CLPS: variants seen among roughly 807,000 people sequenced by gnomAD.
CLPS encodes the protein colipase, pancreatic.
A neutral mutation model predicts 9.3 loss-of-function variants in CLPS; 8 were observed. The ratio of observed to expected loss-of-function variants is 0.86; its 90% CI spans 0.51 to 1.56. The LOEUF (loss-of-function observed/expected upper bound fraction) is 1.56. Among genes scored for constraint, CLPS ranks in the 40% most tolerant of loss-of-function variants. CLPS has a pLI of 0.00. For synonymous variants in CLPS, 61 were observed against 56.2 expected (o/e 1.09, Z -0.39); for missense variants, 144 against 145.7 (o/e 0.99, Z 0.06).
At chr6:35,795,884 C>T (rs1246666418) in intron 1 of CLPS, 31 bp from the exon 2 acceptor site, 3 of 1,610,104 alleles carry the variant, frequency 1.9e-6, no homozygotes, top group Admixed American at 3.3e-5. Context: ...GCCCAGGCCC[C>T]ACTCCCTCAG....
In CLPS at chr6:35,795,814, T is replaced by A. The variant is rs1311590635; in HGVS notation, c.124A>T (p.Ser42Cys). 6 of 1,613,162 alleles carry A rather than the reference T, an allele frequency of 3.7e-6. No homozygotes were observed. The highest frequency in any genetic ancestry group is 5.1e-6 in the Non-Finnish European group (6 of 1,180,030). Residue 42 changes from serine to cysteine, a missense_variant, in exon 2 of 3, where the codon AGC (serine) becomes TGC (cysteine). Physicochemically the swap from Ser to Cys is moderately radical, Grantham distance 112 (BLOSUM62 -1). Transcript: ENST00000259938. ...ELCMNSAQCKSNCCQHSSALG... is the reference protein window; with the variant it reads ...ELCMNSAQCKCNCCQHSSALG... ...GCACTTGAATGCTGGCAGCAATTGCTCTTACACTGGGCACTATTCATGCAG... is the reference window on the plus strand; with the variant it reads ...GCACTTGAATGCTGGCAGCAATTGCACTTACACTGGGCACTATTCATGCAG...
Position 35,795,029 on chromosome 6 carries a change from A to G in CLPS, c.*117T>C, listed in dbSNP as rs1467681587. ...ATTGTGAAGAGCGCAATCAGAAAAC[A>G]GATATGCTGGTCAAGGAGGTGGCCA... On this transcript the variant is annotated 3_prime_UTR_variant, in exon 3 of 3. Transcript: ENST00000259938. 233 of 1,398,288 alleles carry G rather than the reference A, an allele frequency of 1.7e-4. No homozygotes were observed. Among genetic ancestry groups the G allele is most frequent in the Non-Finnish European group, 2.7e-5 (28 of 1,030,114 alleles). 86.6% of individuals were successfully genotyped at this position (1,398,288 alleles called of 1,614,324 possible).
Position 35,795,759 on chromosome 6 carries a change from G to T in CLPS, c.179C>A (p.Ala60Asp). 1 of 1,612,884 alleles carries T rather than the reference G, an allele frequency of 6.2e-7. No individual in the cohort carries two copies. Among genetic ancestry groups the T allele is most frequent in the Non-Finnish European group, 8.5e-7 (1 of 1,180,006 alleles). ...GACAGAGCACTCGCTGTTCTCGCTG[G>T]CCATGGATGTGCAGCGGGCCAGGCC... ...ALGLARCTSM[A>D]SENSECSVKT... The change falls in exon 2 of 3, where the codon GCC (alanine) becomes GAC (aspartate). Residue 60 changes from alanine (A) to aspartate (D), a missense_variant. Transcript: ENST00000259938.
rs1422981055 is a variant in CLPS at position 35,797,261 on chromosome 6, C to T, written c.28G>A (p.Val10Ile). 1.2e-6 allele frequency: 2 copies of T among 1,614,074 alleles called. No individual in the cohort carries two copies. Among genetic ancestry groups the T allele is most frequent in the African/African-American group, 1.3e-5 (1 of 75,068 alleles). Reference protein sequence around the residue: MEKILILLLVALSVAYAAPG... With the variant: MEKILILLLIALSVAYAAPG... ...GCTGCATAGGCCACAGAGAGGGCGA[C>T]AAGCAGGAGGATCAGGATCTTCTCC... is the stretch of plus-strand genomic sequence containing the variant. Residue 10 changes from valine to isoleucine, a missense_variant, in exon 1 of 3, where the codon GTC becomes ATC. Physicochemically the swap from Val to Ile is conservative, Grantham distance 29. Transcript: ENST00000259938.
chr6:35,797,204 C>T lies in CLPS; in HGVS notation c.84+1G>A, dbSNP rs766826077. ...GGCGCCTCCCCTGAAGACCCTCTTA[C>T]CAGGTTGATAATGATCCCCCGGGGG... is the stretch of plus-strand genomic sequence containing the variant. On this transcript the variant is annotated splice_donor_variant, in intron 1 of 2. Transcript: ENST00000259938. LOFTEE classifies it high-confidence loss of function. 1.9e-6 allele frequency: 3 copies of T among 1,613,638 alleles called. No homozygotes were observed. In the South Asian group the frequency reaches 3.3e-5, roughly 18 times the overall value.
intron 2 of CLPS, 66 bp from the exon 3 acceptor site, chr6:35,795,343 C>A: frequency 6.3e-7 from 1 of 1,575,584 alleles, no homozygotes; most frequent in Non-Finnish European, 8.6e-7. Context: ...TTGTCCCCTG[C>A]CTGACCTAGA....
chr6:35,797,234 G>A lies in CLPS; in HGVS notation c.55C>T (p.Pro19Ser), dbSNP rs1267702100. The A allele has an allele frequency of 2.5e-6, 4 of 1,614,128 alleles. 1 individual carries two copies. The highest frequency in any genetic ancestry group is 2.2e-5 in the East Asian group (1 of 44,882). Residue 19 changes from proline (P) to serine (S), a missense_variant, in exon 1 of 3, where the codon CCT becomes TCT. Transcript: ENST00000259938. ...LVALSVAYAA[P>S]GPRGIIINLE... ...TTGATAATGATCCCCCGGGGGCCAG[G>A]AGCTGCATAGGCCACAGAGAGGGCG...
chr6:35,795,169 C>A lies in CLPS; in HGVS notation c.316G>T (p.Asp106Tyr). 6.2e-7 allele frequency: 1 copy of A among 1,614,128 alleles called. No individual in the cohort carries two copies. The highest frequency in any genetic ancestry group is 8.5e-7 in the Non-Finnish European group (1 of 1,180,010). The change falls in exon 3 of 3, where the codon GAC becomes TAC. Residue 106 changes from aspartate (D) to tyrosine (Y), a missense_variant. By Grantham distance (160) the Asp-to-Tyr change is radical (BLOSUM62 -3). Coordinates refer to ENST00000259938, the MANE Select transcript of CLPS (RefSeq NM_001832.4). ...ITNTNFGICH[D>Y]AGRSKQ ...TCTCACTGCTTGGAGCGTCCAGCGTCATGGCAGATGCCAAAGTTGGTGTTG... is the reference window on the plus strand; with the variant it reads ...TCTCACTGCTTGGAGCGTCCAGCGTAATGGCAGATGCCAAAGTTGGTGTTG...
chr6:35,795,777 GCC>G lies in CLPS; in HGVS notation c.159_160del (p.Ala54ProfsTer27). 6.2e-7 allele frequency: 1 copy of G among 1,613,078 alleles called. No homozygotes were observed. The highest frequency in any genetic ancestry group is 8.5e-7 in the Non-Finnish European group (1 of 1,180,026). ...CTCGCTGGCCATGGATGTGCAGCGG[GCC>G]AGGCCCAGCGCACTTGAATGCTGGC... is the stretch of plus-strand genomic sequence containing the variant. On this transcript the variant is annotated frameshift_variant, in exon 2 of 3. Coordinates refer to ENST00000259938, the MANE Select transcript of CLPS (RefSeq NM_001832.4). LOFTEE classifies it high-confidence loss of function.
intron 1 of CLPS, among the ~76,000 whole-genome samples, chr6:35,796,412 G>T (rs1185417400): frequency 5.3e-5 from 8 of 152,260 alleles, no homozygotes; most frequent in Non-Finnish European, 1.2e-4. Context: ...GTGGTGTGGG[G>T]CAGTGGTGGG....
chr6:35,795,601 C>A, intron 2 of CLPS, 130 bp downstream of exon 2: 1 of 1,443,820 alleles, frequency 6.9e-7, no homozygotes, highest in Non-Finnish European at 9.4e-7. Context: ...TGCTTTGACA[C>A]CTGTCGACCT....
chr6:35,796,224 G>A (rs1215177004), intron 1 of CLPS, among the ~76,000 whole-genome samples: 2 of 152,282 alleles, frequency 1.3e-5, no homozygotes, highest in African/African-American at 4.8e-5. Context: ...CTTTAAGGAG[G>A]CGGTGAAGAT....
intron 1 of CLPS, 26 bp from the exon 2 acceptor site, chr6:35,795,879 G>A: frequency 2.5e-6 from 4 of 1,610,762 alleles, no homozygotes; most frequent in Non-Finnish European, 3.4e-6. Context: ...AGTCAGCCCA[G>A]GCCCCACTCC....
At chr6:35,796,922 G>C in intron 1 of CLPS, 1 of 464,730 alleles carries the variant, frequency 2.2e-6, no homozygotes, top group Non-Finnish European at 3.9e-6. Flanking sequence ...GACAGAGCAA[G>C]ACTCCGTTTC....
In CLPS at chr6:35,794,996, G is replaced by T; in HGVS notation, c.*150C>A. ...AGGAGACTGGGAAAGGTTTGCAGGA[G>T]GCCTTTAATTGTGAAGAGCGCAATC... On this transcript the variant is annotated 3_prime_UTR_variant, in exon 3 of 3. Transcript: ENST00000259938. 1 of 1,100,666 alleles carries T rather than the reference G, an allele frequency of 9.1e-7. No individual in the cohort carries two copies. Among genetic ancestry groups the T allele is most frequent in the Non-Finnish European group, 1.3e-6 (1 of 782,552 alleles). 68.2% of individuals were successfully genotyped at this position (1,100,666 alleles called of 1,614,324 possible).
In CLPS at chr6:35,795,762, A is replaced by G. The variant is rs759890280; in HGVS notation, c.176T>C (p.Met59Thr). 3.8e-5 allele frequency: 61 copies of G among 1,612,828 alleles called. No individual in the cohort carries two copies. The South Asian group carries it at 5.2e-4, about 14-fold the overall frequency. Residue 59 changes from methionine to threonine, a missense_variant, in exon 2 of 3, where the codon ATG becomes ACG. Met to Thr is a moderately conservative substitution (Grantham distance 81, BLOSUM62 -1). Transcript: ENST00000259938. Reference protein sequence around the residue: ...SALGLARCTSMASENSECSVK... With the variant: ...SALGLARCTSTASENSECSVK... ...AGAGCACTCGCTGTTCTCGCTGGCC[A>G]TGGATGTGCAGCGGGCCAGGCCCAG... is the stretch of plus-strand genomic sequence containing the variant.
chr6:35,796,909 G>T, intron 1 of CLPS: 1 of 457,524 alleles, frequency 2.2e-6, no homozygotes, highest in South Asian at 2.0e-5. Flanking sequence ...ACTCCAGCCT[G>T]GTGACAGAGC....
At chr6:35,795,342 G>A (rs371997870) in intron 2 of CLPS, 65 bp from the exon 3 acceptor site, 2 of 1,576,132 alleles carry the variant, frequency 1.3e-6, no homozygotes, top group Non-Finnish European at 8.6e-7. Flanking sequence ...CTTGTCCCCT[G>A]CCTGACCTAG....
At position 35,797,224 on chromosome 6, in the gene CLPS, C is replaced by T. The variant is rs140966197; in HGVS notation, c.65G>A (p.Arg22Gln). Residue 22 changes from arginine to glutamine, a missense_variant, in exon 1 of 3, where the codon CGG (arginine) becomes CAG (glutamine). Coordinates refer to ENST00000259938, the MANE Select transcript of CLPS (RefSeq NM_001832.4). ...LSVAYAAPGPRGIIINLENGE... is the reference protein window; with the variant it reads ...LSVAYAAPGPQGIIINLENGE... ...TCTTACCAGGTTGATAATGATCCCC[C>T]GGGGGCCAGGAGCTGCATAGGCCAC... 505 of 1,613,888 alleles carry T rather than the reference C, an allele frequency of 3.1e-4. No individual in the cohort carries two copies. The East Asian group carries it at 8.3e-3, about 26-fold the overall frequency.
Sources: allele counts gnomAD v4.1 joint callset (sites outside exome capture counted in the v4.1 genomes callset), GRCh38; gene constraint gnomAD v4.1.1; transcripts MANE v1.5; gene names NCBI Gene and HGNC (gene_info 2026-07-23, HGNC 2026-07-21).